SLC22A15: variants seen among roughly 807,000 people sequenced by gnomAD.
SLC22A15 encodes the protein solute carrier family 22 member 15, also known as flipt 1.
SLC22A15 carries 45 observed loss-of-function variants against 62.7 expected under a neutral mutation model. The ratio of observed to expected loss-of-function variants is 0.72; its 90% CI spans 0.56 to 0.92. The LOEUF (loss-of-function observed/expected upper bound fraction) is 0.92, where lower values mean the gene tolerates loss of function less well. Ranked by LOEUF, SLC22A15 falls within the 40% of genes least tolerant of loss-of-function variation. The pLI, the probability that SLC22A15 is intolerant of heterozygous loss-of-function variation, is 0.00. For missense variants in SLC22A15, 622 were observed against 665.6 expected, an observed-to-expected ratio of 0.93 and a Z score of 0.72; for synonymous variants, 264 against 267.0, an observed-to-expected ratio of 0.99 and a Z score of 0.11.
intron 2 of SLC22A15, among the ~76,000 whole-genome samples, chr1:116,000,607 T>G (rs1415717464): frequency 6.7e-6 from 1 of 149,308 alleles, no homozygotes; most frequent in African/African-American, 2.4e-5. Flanking sequence ...TGTATCTTCA[T>G]GTAATTTCTT....
At position 116,068,269 on chromosome 1, in the gene SLC22A15, G is replaced by A. The variant is rs182001975; in HGVS notation, c.*1161G>A. On this transcript the variant is annotated 3_prime_UTR_variant, in exon 12 of 12. Coordinates refer to ENST00000369503, the MANE Select transcript of SLC22A15 (RefSeq NM_018420.3). ...GAAACTTGAATACTATCTCAAATAG[G>A]AATATAAACCTGGAGTCAACAAGCT... The A allele has an allele frequency of 9.7e-4, 148 of 152,730 alleles. 1 individual carries two copies. Among genetic ancestry groups the A allele is most frequent in the Non-Finnish European group, 1.3e-3 (87 of 68,034 alleles). 9.5% of individuals were successfully genotyped at this position (152,730 alleles called of 1,614,324 possible).
intron 1 of SLC22A15, among the ~76,000 whole-genome samples, chr1:115,983,601 C>T (rs868032725): frequency 6.6e-6 from 1 of 152,212 alleles, no homozygotes; most frequent in South Asian, 2.1e-4. Flanking sequence ...TTGAAGTCTG[C>T]AGGACAGGCA....
At chr1:116,011,333 G>T (rs567584206) in intron 2 of SLC22A15, among the ~76,000 whole-genome samples, 1 of 152,280 alleles carries the variant, frequency 6.6e-6, no homozygotes, top group East Asian at 1.9e-4. Flanking sequence ...ATTGGCTATA[G>T]GAAGAAGGAA....
At chr1:116,044,135 A>T (rs1164962113) in intron 8 of SLC22A15, among the ~76,000 whole-genome samples, 3 of 152,220 alleles carry the variant, frequency 2.0e-5, no homozygotes, top group Admixed American at 6.5e-5. Flanking sequence ...AACCAAACAA[A>T]ATAAAGGCAT....
chr1:115,979,935 GA>G (rs1654531001), intron 1 of SLC22A15, among the ~76,000 whole-genome samples: 1 of 151,536 alleles, frequency 6.6e-6, no homozygotes, highest in African/African-American at 2.4e-5. Flanking sequence ...GCTGTGCTAT[GA>G]ATCTCATCTT....
chr1:116,046,191 G>A (rs895485262), intron 8 of SLC22A15, among the ~76,000 whole-genome samples: 5 of 152,078 alleles, frequency 3.3e-5, no homozygotes. Context: ...GTGACTTTGA[G>A]TTAGGCAAAT....
rs146966404 is a variant in SLC22A15 at position 116,009,130 on chromosome 1, C to A, written c.301-10452C>A. ...GCAGTTCACTGTATTCTCAGAGCCC[C>A]GCAACCACCTGCCCCAGTGACAACA... On this transcript the variant is annotated intron_variant, in intron 2 of 11. Coordinates refer to ENST00000369503, the MANE Select transcript of SLC22A15 (RefSeq NM_018420.3). Among the ~76,000 whole-genome samples the A allele has an allele frequency of 5.4e-3, 821 of 152,210 alleles. 9 individuals carry two copies. The highest frequency in any genetic ancestry group is 0.019 in the African/African-American group (772 of 41,544).
intron 6 of SLC22A15, 118 bp from the exon 7 acceptor site, chr1:116,035,069 A>T: frequency 1.9e-6 from 2 of 1,078,998 alleles, no homozygotes; most frequent in Non-Finnish European, 2.7e-6. Context: ...CTTATTGCTT[A>T]CAGCAGATCA....
rs1654887475 is a variant in SLC22A15, at chr1:115,986,824, T to A, written c.88-5207T>A. Among the ~76,000 whole-genome samples the A allele has an allele frequency of 2.0e-5, 3 of 152,196 alleles. No individual in the cohort carries two copies. In the South Asian group the frequency reaches 6.2e-4, roughly 31 times the overall value. On this transcript the variant is annotated intron_variant, in intron 1 of 11. Transcript: ENST00000369503. ...ACTTGACACTGAAGATGGGTTAATA[T>A]GATATTAATGACTTGGATAAAGATG...
intron 1 of SLC22A15, among the ~76,000 whole-genome samples, chr1:115,989,800 T>C (rs1404900654): frequency 6.6e-6 from 1 of 151,082 alleles, no homozygotes; most frequent in Non-Finnish European, 1.5e-5. Flanking sequence ...AAAAATGATA[T>C]GTTAACATAT....
chr1:116,067,632 T>C lies in SLC22A15; in HGVS notation c.*524T>C, dbSNP rs1284781678. The C allele has an allele frequency of 6.5e-6, 1 of 153,028 alleles. No homozygotes were observed. The highest frequency in any genetic ancestry group is 1.5e-5 in the Non-Finnish European group (1 of 68,722). The allele number at this position is 153,028 out of a possible 1,614,324, so 9.5% of individuals were successfully genotyped here. ...TCCAGGGAAAAGCACCCAGAGGTCA[T>C]CTGTGTGTCCCGAGACCCTCCAGCT... is the stretch of plus-strand genomic sequence containing the variant. On this transcript the variant is annotated 3_prime_UTR_variant, in exon 12 of 12. Coordinates refer to ENST00000369503, the MANE Select transcript of SLC22A15 (RefSeq NM_018420.3).
Position 116,064,595 on chromosome 1 carries a change from A to ATATC in SLC22A15, c.1365+88_1365+89insATCT. On this transcript the variant is annotated intron_variant, in intron 10 of 11. Coordinates refer to ENST00000369503, the MANE Select transcript of SLC22A15 (RefSeq NM_018420.3). ...TTTAGTAGAAAGAGGTGATGAACAG[A>ATATC]TGTCATTTAAGATCAGCTGACACAA... The ATATC allele has an allele frequency of 4.5e-6, 4 of 884,456 alleles. No individual in the cohort carries two copies. The South Asian group carries it at 5.5e-5, about 12-fold the overall frequency. The allele number at this position is 884,456 out of a possible 1,614,324, so 54.8% of individuals were successfully genotyped here. A position where few individuals can be genotyped will look rare whatever the true frequency, so the allele number is the denominator to read the frequency against.
At chr1:115,988,258 A>C (rs895056516) in intron 1 of SLC22A15, among the ~76,000 whole-genome samples, 1 of 152,112 alleles carries the variant, frequency 6.6e-6, no homozygotes, top group Non-Finnish European at 1.5e-5. Flanking sequence ...TGATGGGTGC[A>C]ATTTTATTAG....
chr1:116,057,440 C>A (rs1368113852), intron 8 of SLC22A15, among the ~76,000 whole-genome samples: 7 of 151,928 alleles, frequency 4.6e-5, no homozygotes, highest in Admixed American at 6.6e-5. Flanking sequence ...GAAATAGGAA[C>A]ACTTTTACAC....
At chr1:115,984,685 G>A (rs552302323) in intron 1 of SLC22A15, among the ~76,000 whole-genome samples, 1 of 152,234 alleles carries the variant, frequency 6.6e-6, no homozygotes, top group South Asian at 2.1e-4. Context: ...AAGAAGGCAT[G>A]GTGTGATAGG....
chr1:116,042,027 C>T (rs2101496100), intron 8 of SLC22A15, among the ~76,000 whole-genome samples: 1 of 151,634 alleles, frequency 6.6e-6, no homozygotes, highest in East Asian at 2.0e-4. Flanking sequence ...AGTAACTTAA[C>T]TGCATCACGG....
At chr1:116,063,528 G>A (rs1245550703) in intron 9 of SLC22A15, among the ~76,000 whole-genome samples, 1 of 152,178 alleles carries the variant, frequency 6.6e-6, no homozygotes, top group African/African-American at 2.4e-5. Context: ...CTCTTTCTCA[G>A]TCTTTTAGAG....
chr1:116,066,895 G>A (rs1658512652), intron 11 of SLC22A15, 124 bp from the exon 12 acceptor site: 13 of 945,378 alleles, frequency 1.4e-5, no homozygotes, highest in Non-Finnish European at 2.1e-5. Flanking sequence ...ATATTTTAGG[G>A]GCTATTTCTT....
chr1:115,976,530 TC>T lies in SLC22A15; in HGVS notation c.-96del. On this transcript the variant is annotated 5_prime_UTR_variant, in exon 1 of 12. Coordinates refer to ENST00000369503, the MANE Select transcript of SLC22A15 (RefSeq NM_018420.3). The stretch of plus-strand genomic sequence containing the variant: ...GCGCTTCCATCCCCGCCCCGGCGGG[TC>T]CAAGCCGGTGCCGGGCGCCCAGGGG... The T allele has an allele frequency of 1.3e-6, 1 of 772,050 alleles. No homozygotes were observed. Among genetic ancestry groups the T allele is most frequent in the Non-Finnish European group, 1.9e-6 (1 of 530,106 alleles). 47.8% of individuals were successfully genotyped at this position (772,050 alleles called of 1,614,324 possible).
Sources: gnomAD v4.1 joint callset for allele counts (sites outside exome capture counted in the v4.1 genomes callset) on GRCh38, gnomAD v4.1.1 for gene constraint, MANE v1.5 for transcripts, NCBI Gene and HGNC (gene_info 2026-07-23, HGNC 2026-07-21) for gene names.